Variants in DISC1 observed in about 807,000 individuals in gnomAD.
DISC1 encodes the protein disrupted in schizophrenia 1 protein.
DISC1 carries 57 observed loss-of-function variants against 84.5 expected under a neutral mutation model. The observed-to-expected ratio is 0.67, with a 90% CI of 0.55 to 0.84. DISC1 has a LOEUF of 0.84. Ranked by LOEUF, DISC1 falls within the 40% of genes least tolerant of loss-of-function variation. DISC1 has a pLI of 0.00. For missense variants in DISC1, 1,000 were observed against 1,057.8 expected, an observed-to-expected ratio of 0.95 and a Z score of 0.76; for synonymous variants, 411 against 415.2, an observed-to-expected ratio of 0.99 and a Z score of 0.12.
At chr1:231,995,656 C>G (rs1304911798) in intron 10 of DISC1, among the ~76,000 whole-genome samples, 18 of 152,020 alleles carry the variant, frequency 1.2e-4, no homozygotes, top group Admixed American at 1.2e-3. Flanking sequence ...CATGTCCCTA[C>G]AAAGGACATG....
chr1:231,720,558 T>C (rs950265909), intron 3 of DISC1, among the ~76,000 whole-genome samples: 4 of 152,286 alleles, frequency 2.6e-5, no homozygotes, highest in African/African-American at 9.6e-5. Flanking sequence ...CAGGCTGGTC[T>C]TGAATGCCTG....
At chr1:231,851,936 C>T (rs1204803536) in intron 9 of DISC1, among the ~76,000 whole-genome samples, 1 of 152,090 alleles carries the variant, frequency 6.6e-6, no homozygotes, top group African/African-American at 2.4e-5. Context: ...AGAGGTTTAC[C>T]AAGGGCTCAC....
At chr1:232,004,597 T>G (rs2772114) in intron 10 of DISC1, among the ~76,000 whole-genome samples, 65,166 of 151,956 alleles carry the variant, frequency 0.43, 17,198 homozygotes, top group African/African-American at 0.75. Flanking sequence ...CTTGGGAAAA[T>G]GATAGGGAAC....
At chr1:231,970,440 G>A (rs1453446158) in intron 10 of DISC1, among the ~76,000 whole-genome samples, 2 of 152,190 alleles carry the variant, frequency 1.3e-5, no homozygotes, top group African/African-American at 2.4e-5. Context: ...CAGAAAAGAA[G>A]AAGAAGGAAG....
At chr1:231,714,211 A>C (rs1167706269) in intron 3 of DISC1, among the ~76,000 whole-genome samples, 1 of 152,192 alleles carries the variant, frequency 6.6e-6, no homozygotes, top group Non-Finnish European at 1.5e-5. Flanking sequence ...TTACATTAAA[A>C]CATGTAAAAT....
chr1:231,833,461 A>T (rs887862251), intron 9 of DISC1, among the ~76,000 whole-genome samples: 5 of 151,770 alleles, frequency 3.3e-5, no homozygotes, highest in Non-Finnish European at 7.3e-5. Context: ...GCGATTTGGC[A>T]GTGTCAGTCT....
In DISC1 at chr1:231,694,754, A is replaced by G; in HGVS notation, c.996A>G (p.Lys332=). 2.5e-6 allele frequency: 4 copies of G among 1,614,056 alleles called. No individual in the cohort carries two copies. The highest frequency in any genetic ancestry group is 3.4e-6 in the Non-Finnish European group (4 of 1,180,038). The change falls in exon 2 of 13, where the codon AAA becomes AAG. Residue 332 remains lysine (K), a synonymous_variant. Transcript: ENST00000439617. ...DAHSWDTLLR[K]WEPVLRDCLL... ...ACTCTTGGGACACCCTGCTCAGGAA[A>G]TGGGAGCCAGTGCTGCGGGACTGCC... is the stretch of plus-strand genomic sequence containing the variant.
chr1:231,631,293 G>T (rs1210362660), intron 1 of DISC1, among the ~76,000 whole-genome samples: 11 of 152,242 alleles, frequency 7.2e-5, no homozygotes, highest in African/African-American at 2.7e-4. Context: ...TGTCACATAT[G>T]TGAGAGTGGT....
chr1:231,755,286 C>T (rs1177157045), intron 4 of DISC1, among the ~76,000 whole-genome samples: 2 of 151,896 alleles, frequency 1.3e-5, no homozygotes, highest in Non-Finnish European at 2.9e-5. Context: ...AGCAATTCTT[C>T]CACCTTGGGC....
At chr1:232,025,937 A>C (rs12088230) in intron 11 of DISC1, among the ~76,000 whole-genome samples, 52,457 of 151,800 alleles carry the variant, frequency 0.35, 9,379 homozygotes, top group Admixed American at 0.4. Context: ...TGCAGTATAC[A>C]CCTCATGGCA....
rs1286068488 is a variant in DISC1, at chr1:231,981,320, CA to C, written c.2042+22433del. Among the ~76,000 whole-genome samples, 4 of 152,048 alleles carry C rather than the reference CA, an allele frequency of 2.6e-5. No homozygotes were observed. In the East Asian group the frequency reaches 7.7e-4, roughly 29 times the overall value. ...CTTTTCTAAAATAAGTTGTCTATAC[CA>C]GTGGCATGCAAAATGTATCATATCA... On this transcript the variant is annotated intron_variant, in intron 10 of 12. Transcript: ENST00000439617.
chr1:231,680,043 C>A (rs1358403408), intron 1 of DISC1, among the ~76,000 whole-genome samples: 1 of 152,092 alleles, frequency 6.6e-6, no homozygotes, highest in African/African-American at 2.4e-5. Context: ...GCCTGGCCAA[C>A]ATGGGGAAAC....
At chr1:231,889,173 C>T (rs1465346197) in intron 9 of DISC1, among the ~76,000 whole-genome samples, 1 of 152,178 alleles carries the variant, frequency 6.6e-6, no homozygotes, top group Non-Finnish European at 1.5e-5. Flanking sequence ...ACAGCAAGAA[C>T]TGAGAGTTCT....
chr1:232,033,984 A>G (rs1670288165), intron 12 of DISC1, among the ~76,000 whole-genome samples: 1 of 152,064 alleles, frequency 6.6e-6, no homozygotes, highest in Non-Finnish European at 1.5e-5. Flanking sequence ...TTATTCTACA[A>G]TATGCTTTCC....
chr1:231,805,142 T>C (rs1413907562), intron 8 of DISC1, among the ~76,000 whole-genome samples: 1 of 152,236 alleles, frequency 6.6e-6, no homozygotes, highest in African/African-American at 2.4e-5. Context: ...CCCTTTTCAC[T>C]GTACACACCT....
chr1:231,993,281 G>T (rs1217991984), intron 10 of DISC1, among the ~76,000 whole-genome samples: 1 of 151,928 alleles, frequency 6.6e-6, no homozygotes, highest in Non-Finnish European at 1.5e-5. Flanking sequence ...TGAGTCCAGA[G>T]TAGGGCTGAG....
chr1:231,860,807 T>C (rs988675551), intron 9 of DISC1, among the ~76,000 whole-genome samples: 1 of 152,200 alleles, frequency 6.6e-6, no homozygotes, highest in Non-Finnish European at 1.5e-5. Context: ...TCCCTACCCT[T>C]TATCTCTCAC....
At chr1:232,002,838 G>A (rs1043572595) in intron 10 of DISC1, among the ~76,000 whole-genome samples, 1 of 152,012 alleles carries the variant, frequency 6.6e-6, no homozygotes, top group Non-Finnish European at 1.5e-5. Flanking sequence ...TCTTGAATGT[G>A]GTAAGGGGTA....
At chr1:231,856,234 T>C (rs2084261675) in intron 9 of DISC1, among the ~76,000 whole-genome samples, 1 of 152,060 alleles carries the variant, frequency 6.6e-6, no homozygotes, top group Non-Finnish European at 1.5e-5. Context: ...CTGTGGCATG[T>C]GGATGGTAAA....
Sources: allele counts gnomAD v4.1 joint callset (sites outside exome capture counted in the v4.1 genomes callset), GRCh38; gene constraint gnomAD v4.1.1; transcripts MANE v1.5; gene names NCBI Gene and HGNC (gene_info 2026-07-23, HGNC 2026-07-21).